Variants in ELAPOR1 observed in about 807,000 individuals in gnomAD.
The protein encoded by ELAPOR1 is endosome-lysosome associated apoptosis and autophagy regulator 1, also known as endosome/lysosome-associated apoptosis and autophagy regulator 1.
ELAPOR1 carries 77 observed loss-of-function variants against 119.7 expected under a neutral mutation model. The ratio of observed to expected loss-of-function variants is 0.64; its 90% CI spans 0.54 to 0.78. The LOEUF is 0.78. Ranked by LOEUF, ELAPOR1 falls within the 30% of genes least tolerant of loss-of-function variation. ELAPOR1 has a pLI of 0.00. For missense variants in ELAPOR1, 1,115 were observed against 1,270.4 expected, an observed-to-expected ratio of 0.88 and a Z score of 1.86; for synonymous variants, 481 against 487.2, an observed-to-expected ratio of 0.99 and a Z score of 0.17.
intron 8 of ELAPOR1, chr1:109,187,479 C>T (rs1447688620): frequency 1.0e-6 from 1 of 999,720 alleles, no homozygotes; most frequent in Non-Finnish European, 1.2e-6. Flanking sequence ...ATGGTATCTG[C>T]ACAGATCATG....
chr1:109,137,285 C>T (rs1649533296), intron 1 of ELAPOR1, among the ~76,000 whole-genome samples: 1 of 151,466 alleles, frequency 6.6e-6, no homozygotes, highest in Non-Finnish European at 1.5e-5. Context: ...CTCACTGCAA[C>T]CTCCGCCTCC....
In ELAPOR1 at chr1:109,206,374, T is replaced by G. The variant is rs1468826801; in HGVS notation, c.*3362T>G. 2 of 152,244 alleles carry G rather than the reference T, an allele frequency of 1.3e-5. No individual in the cohort carries two copies. The highest frequency in any genetic ancestry group is 4.8e-5 in the African/African-American group (2 of 41,452). The allele number at this position is 152,244 out of a possible 1,614,324, so 9.4% of individuals were successfully genotyped here. ...TCCTTGACCCAGGGCTAAAGTGGTC[T>G]GTCCAAGCTGTTGTTGGTAGAGGGA... On this transcript the variant is annotated 3_prime_UTR_variant, in exon 22 of 22. Coordinates refer to ENST00000369939, the MANE Select transcript of ELAPOR1 (RefSeq NM_020775.5).
chr1:109,146,279 C>T (rs566935907), intron 1 of ELAPOR1, among the ~76,000 whole-genome samples: 5 of 151,922 alleles, frequency 3.3e-5, no homozygotes, highest in South Asian at 2.1e-4. Flanking sequence ...GAAATTGAGT[C>T]GCTGCACTCC....
intron 1 of ELAPOR1, among the ~76,000 whole-genome samples, chr1:109,149,975 A>G (rs1430470259): frequency 6.6e-6 from 1 of 152,218 alleles, no homozygotes; most frequent in Non-Finnish European, 1.5e-5. Flanking sequence ...AGCCTGGCAC[A>G]TGGATGCTTA....
At chr1:109,134,582 GC>G (rs1349752119) in intron 1 of ELAPOR1, among the ~76,000 whole-genome samples, 1 of 152,172 alleles carries the variant, frequency 6.6e-6, no homozygotes, top group African/African-American at 2.4e-5. Context: ...TTATGGCAGT[GC>G]CCCGTTGGCC....
chr1:109,134,000 A>G (rs1245950804), intron 1 of ELAPOR1, among the ~76,000 whole-genome samples: 2 of 152,208 alleles, frequency 1.3e-5, no homozygotes, highest in African/African-American at 4.8e-5. Context: ...ATGTTGCGCC[A>G]GCCTGGCCCA....
At chr1:109,120,691 CTCTT>C (rs371138635) in intron 1 of ELAPOR1, among the ~76,000 whole-genome samples, 16 of 152,228 alleles carry the variant, frequency 1.1e-4, no homozygotes, top group Non-Finnish European at 1.3e-4. Context: ...GGGACACTCT[CTCTT>C]CACAAGTAAT....
chr1:109,193,509 C>T (rs1653581703), intron 14 of ELAPOR1, among the ~76,000 whole-genome samples: 1 of 151,828 alleles, frequency 6.6e-6, no homozygotes, highest in Non-Finnish European at 1.5e-5. Flanking sequence ...AGAGCAAGAC[C>T]CTGTCTCTAA....
chr1:109,199,480 A>G (rs939845773), intron 18 of ELAPOR1, among the ~76,000 whole-genome samples: 2 of 152,154 alleles, frequency 1.3e-5, no homozygotes, highest in African/African-American at 2.4e-5. Context: ...CTCAACTCCA[A>G]TCCCACCCCG....
intron 16 of ELAPOR1, 111 bp from the exon 17 acceptor site, chr1:109,197,868 A>G: frequency 9.3e-7 from 1 of 1,076,212 alleles, no homozygotes; most frequent in South Asian, 1.3e-5. Flanking sequence ...TAAGCCACTC[A>G]GGGATGTGAT....
chr1:109,194,023 G>A (rs1653618124), intron 14 of ELAPOR1, among the ~76,000 whole-genome samples: 1 of 152,130 alleles, frequency 6.6e-6, no homozygotes, highest in African/African-American at 2.4e-5. Flanking sequence ...GGGGTGAGGA[G>A]GGAGCAAGAA....
intron 10 of ELAPOR1, among the ~76,000 whole-genome samples, 185 bp from the exon 11 acceptor site, chr1:109,189,407 G>C (rs1653285175): frequency 1.3e-5 from 2 of 152,212 alleles, no homozygotes; most frequent in Non-Finnish European, 1.5e-5. Context: ...CACTTCAAAG[G>C]TCTTGCTCTG....
chr1:109,143,197 G>C (rs942183249), intron 1 of ELAPOR1, among the ~76,000 whole-genome samples: 8 of 152,058 alleles, frequency 5.3e-5, no homozygotes, highest in African/African-American at 1.2e-4. Context: ...AGATCCACCC[G>C]CCTTGGCCTC....
intron 1 of ELAPOR1, among the ~76,000 whole-genome samples, chr1:109,144,061 A>ATATATTTTTTT: frequency 2.2e-4 from 20 of 88,988 alleles, no homozygotes; most frequent in African/African-American, 8.2e-4. Flanking sequence ...ATATTTATAT[A>ATATATTTTTTT]TTTTTTTTTT....
At chr1:109,170,937 T>C (rs1262491457) in intron 3 of ELAPOR1, among the ~76,000 whole-genome samples, 3 of 152,232 alleles carry the variant, frequency 2.0e-5, no homozygotes, top group Admixed American at 6.5e-5. Context: ...TCTCCGGCCC[T>C]CCTTGTTTCC....
rs142829128 is a variant in ELAPOR1 at position 109,129,649 on chromosome 1, A to T, written c.153+15313A>T. Among the ~76,000 whole-genome samples the T allele has an allele frequency of 3.2e-3, 485 of 152,276 alleles. 1 individual carries two copies. The highest frequency in any genetic ancestry group is 0.011 in the African/African-American group (459 of 41,548). ...GCATGATAGAATGAGGCCAGTTGGGAAGGAGCAGTGGACAGAGCGCAGCCT... is the reference window on the plus strand; with the variant it reads ...GCATGATAGAATGAGGCCAGTTGGGTAGGAGCAGTGGACAGAGCGCAGCCT... On this transcript the variant is annotated intron_variant, in intron 1 of 21. Transcript: ENST00000369939.
At chr1:109,171,547 G>C in intron 3 of ELAPOR1, among the ~76,000 whole-genome samples, 1 of 151,510 alleles carries the variant, frequency 6.6e-6, no homozygotes, top group East Asian at 1.9e-4. Flanking sequence ...GCGAGACTCT[G>C]CCTCAAAAAA....
intron 7 of ELAPOR1, among the ~76,000 whole-genome samples, chr1:109,177,230 G>A (rs1446102491): frequency 3.5e-5 from 5 of 142,368 alleles, no homozygotes; most frequent in East Asian, 4.3e-4. Flanking sequence ...TGGCCGGGCG[G>A]GGGGCTGACC....
intron 3 of ELAPOR1, among the ~76,000 whole-genome samples, chr1:109,168,142 A>T (rs1488390255): frequency 1.3e-5 from 2 of 152,076 alleles, no homozygotes; most frequent in Non-Finnish European, 2.9e-5. Flanking sequence ...GCATTTGAAC[A>T]TGTGACTCTC....
Sources: gnomAD v4.1 joint callset for allele counts (sites outside exome capture counted in the v4.1 genomes callset) on GRCh38, gnomAD v4.1.1 for gene constraint, MANE v1.5 for transcripts, NCBI Gene and HGNC (gene_info 2026-07-23, HGNC 2026-07-21) for gene names.